The following KPNA7 variants were observed in gnomAD, a reference collection of about 807,000 sequenced individuals.
The protein encoded by KPNA7 is karyopherin subunit alpha 7.
Under a neutral mutation model 53.7 loss-of-function variants are expected in KPNA7, and 54 were observed. The ratio of observed to expected loss-of-function variants is 1.01; its 90% confidence interval spans 0.81 to 1.26. The LOEUF (loss-of-function observed/expected upper bound fraction) is 1.26, where lower values mean the gene tolerates loss of function less well. Ranked by LOEUF, KPNA7 falls within the 50% of genes most tolerant of loss-of-function variation. The pLI is 0.00. For synonymous variants in KPNA7, 276 were observed against 259.3 expected, an observed-to-expected ratio of 1.06 and a Z score of -0.62; for missense variants, 640 against 644.5, an observed-to-expected ratio of 0.99 and a Z score of 0.07.
intron 3 of KPNA7, among the ~76,000 whole-genome samples, chr7:99,198,809 T>C (rs67723713): frequency 0.079 from 12,067 of 151,892 alleles, 518 homozygotes; most frequent in South Asian, 0.15. Context: ...TGCACCCAGA[T>C]TGGAAAGGAA....
chr7:99,208,649 A>G (rs1018357814), upstream of KPNA7, among the ~76,000 whole-genome samples: 6 of 151,724 alleles, frequency 4.0e-5, no homozygotes, highest in South Asian at 2.1e-4. Flanking sequence ...CTTGTGATCC[A>G]CCCACCTCAG....
chr7:99,193,917 A>G (rs1790094417), intron 5 of KPNA7, among the ~76,000 whole-genome samples: 1 of 152,084 alleles, frequency 6.6e-6, no homozygotes, highest in Non-Finnish European at 1.5e-5. Flanking sequence ...GGCTCAAGCC[A>G]TCCTCCCACC....
chr7:99,215,396 A>T (rs896074083), intron 1 of KPNA7, among the ~76,000 whole-genome samples: 26 of 144,458 alleles, frequency 1.8e-4, no homozygotes, highest in African/African-American at 6.8e-4. Context: ...AAAAAAAAAA[A>T]GGCATTTGCC....
upstream of KPNA7, among the ~76,000 whole-genome samples, chr7:99,209,680 C>T (rs1790996186): frequency 2.8e-5 from 1 of 36,166 alleles, no homozygotes; most frequent in Admixed American, 5.0e-4. Flanking sequence ...GAGACTCCAA[C>T]TCAAAAAAAA....
Position 99,213,456 on chromosome 7 carries a change from AAGAG to A in KPNA7, c.-23-5971_-23-5968del, listed in dbSNP as rs982801174. Among the ~76,000 whole-genome samples the A allele has an allele frequency of 6.9e-3, 875 of 126,160 alleles. 13 individuals are homozygous for A. The highest frequency in any genetic ancestry group is 0.026 in the African/African-American group (814 of 31,120). The allele number at this position is 126,160 out of a possible 152,430, so 82.8% of individuals were successfully genotyped here. On this transcript the variant is annotated intron_variant, in intron 1 of 10. Coordinates refer to the KPNA7 transcript ENST00000681060. ...AAAAAAAAAAAAAAAAAAAAAAAAA[AAGAG>A]AGAGAGACAGAGTCTCATTGTTGCC...
rs559341152 is a variant in KPNA7, at chr7:99,182,605, G to A, written c.1135-540C>T. On this transcript the variant is annotated intron_variant, in intron 8 of 10. Coordinates refer to ENST00000327442, the MANE Select transcript of KPNA7 (RefSeq NM_001145715.3). ...CCATCTCGGCCTCCCAAAGTGTTGG[G>A]ATTATAGGCATGAACCCCCTGCCCG... Among the ~76,000 whole-genome samples the A allele has an allele frequency of 1.9e-4, 29 of 152,062 alleles. 1 individual carries two copies. Among genetic ancestry groups the A allele is most frequent in the Non-Finnish European group, 4.0e-4 (27 of 68,014 alleles).
chr7:99,163,383 A>ATTTTTTTTT, the KPNA7 span, among the ~76,000 whole-genome samples: 21 of 40,814 alleles, frequency 5.1e-4, 1 homozygote, highest in African/African-American at 1.0e-3. Context: ...ATATATATAT[A>ATTTTTTTTT]TTTTTTTTTT....
At position 99,205,675 on chromosome 7, in the gene KPNA7, C is replaced by T. The variant is rs1790774906; in HGVS notation, c.66+1726G>A. 2.0e-5 allele frequency among the ~76,000 whole-genome samples: 3 copies of T among 152,142 alleles called. No individual in the cohort carries two copies. The South Asian group carries it at 6.2e-4, about 31-fold the overall frequency. Reference sequence around the variant, plus strand: ...GACCAGCCTGGCCAACATGGCAAAACCCTGTCTCCACTAAAAATACAAAAA... The same window carrying T: ...GACCAGCCTGGCCAACATGGCAAAATCCTGTCTCCACTAAAAATACAAAAA... On this transcript the variant is annotated intron_variant, in intron 2 of 10. Transcript: ENST00000327442.
At chr7:99,163,768 T>C in the KPNA7 span, among the ~76,000 whole-genome samples, 13 of 152,162 alleles carry the variant, frequency 8.5e-5, no homozygotes, top group African/African-American at 2.9e-4. Flanking sequence ...ACTGTCTCTA[T>C]TTTGACAGAA....
intron 2 of KPNA7, among the ~76,000 whole-genome samples, chr7:99,204,841 G>A (rs1790713688): frequency 6.6e-6 from 1 of 152,136 alleles, no homozygotes. Flanking sequence ...GGATGACAGA[G>A]CAAGACCGTG....
At chr7:99,216,841 CA>C (rs1791233262) in intron 1 of KPNA7, among the ~76,000 whole-genome samples, 1 of 152,216 alleles carries the variant, frequency 6.6e-6, no homozygotes, top group Non-Finnish European at 1.5e-5. Flanking sequence ...GGATTACAGG[CA>C]TGAGCCACCA....
At chr7:99,163,359 G>GTGTATGTATATATA in the KPNA7 span, among the ~76,000 whole-genome samples, 1 of 66,420 alleles carries the variant, frequency 1.5e-5, no homozygotes, top group South Asian at 8.5e-4. Context: ...ATGAGTGTGT[G>GTGTATGTATATATA]TATATATATA....
intron 2 of KPNA7, among the ~76,000 whole-genome samples, chr7:99,204,887 G>T (rs916896176): frequency 1.3e-5 from 2 of 151,990 alleles, no homozygotes; most frequent in Non-Finnish European, 2.9e-5. Flanking sequence ...ATTTAAAAGG[G>T]TCATGGTGGC....
At chr7:99,217,306 T>C (rs183302413) in intron 1 of KPNA7, among the ~76,000 whole-genome samples, 2 of 152,336 alleles carry the variant, frequency 1.3e-5, no homozygotes, top group East Asian at 3.9e-4. Context: ...CATGTGTTTC[T>C]TTCATCTGTA....
At chr7:99,206,567 C>T (rs1790824995) in intron 2 of KPNA7, among the ~76,000 whole-genome samples, 1 of 152,178 alleles carries the variant, frequency 6.6e-6, no homozygotes, top group Non-Finnish European at 1.5e-5. Flanking sequence ...CTCCTGGGCT[C>T]AAGCAATCCT....
chr7:99,148,568 G>A, the KPNA7 span, among the ~76,000 whole-genome samples: 6 of 152,036 alleles, frequency 3.9e-5, no homozygotes, highest in East Asian at 9.6e-4. Flanking sequence ...TCCTGTAAGG[G>A]CCTGTAGTCC....
intron 9 of KPNA7, among the ~76,000 whole-genome samples, chr7:99,180,896 T>C (rs111203643): frequency 0.68 from 8,929 of 13,058 alleles, 4,137 homozygotes; most frequent in Non-Finnish European, 0.88. Context: ...TCTCTCTCTC[T>C]CCCCATCTCT....
upstream of KPNA7, among the ~76,000 whole-genome samples, chr7:99,212,549 T>C (rs1791104128): frequency 6.6e-6 from 1 of 151,956 alleles, no homozygotes; most frequent in South Asian, 2.1e-4. Context: ...CCACCATGCA[T>C]GGCTTACTTT....
upstream of KPNA7, among the ~76,000 whole-genome samples, chr7:99,208,314 G>A (rs1031492389): frequency 1.3e-5 from 2 of 152,154 alleles, no homozygotes; most frequent in African/African-American, 4.8e-5. Context: ...GGAGTGCGGT[G>A]GCGCAATCTT....
Sources: gnomAD v4.1 joint callset for allele counts (sites outside exome capture counted in the v4.1 genomes callset) on GRCh38, gnomAD v4.1.1 for gene constraint, MANE v1.5 for transcripts, NCBI Gene and HGNC (gene_info 2026-07-23, HGNC 2026-07-21) for gene names.